MINDY4: variants seen among roughly 807,000 people sequenced by gnomAD.
The protein encoded by MINDY4 is probable ubiquitin carboxyl-terminal hydrolase MINDY-4.
A neutral mutation model predicts 87.0 loss-of-function variants in MINDY4; 68 were observed. The ratio of observed to expected loss-of-function variants is 0.78; its 90% CI spans 0.64 to 0.96. The LOEUF (loss-of-function observed/expected upper bound fraction) is 0.96. Ranked by LOEUF, MINDY4 falls within the 40% of genes least tolerant of loss-of-function variation. The pLI, the probability that MINDY4 is intolerant of heterozygous loss-of-function variation, is 0.00. For synonymous variants in MINDY4, 379 were observed against 363.2 expected (o/e 1.04, Z -0.50); for missense variants, 919 against 928.2 (o/e 0.99, Z 0.13).
At chr7:30,792,853 T>C (rs180843635) in intron 5 of MINDY4, among the ~76,000 whole-genome samples, 4 of 152,114 alleles carry the variant, frequency 2.6e-5, no homozygotes, top group Non-Finnish European at 4.4e-5. Context: ...CTTATTTTTA[T>C]TATTTTCTTC....
At chr7:30,851,062 C>T (rs911807287) in intron 10 of MINDY4, among the ~76,000 whole-genome samples, 1 of 152,210 alleles carries the variant, frequency 6.6e-6, no homozygotes, top group South Asian at 2.1e-4. Context: ...TATCCTGACC[C>T]GCATCGTCTC....
At chr7:30,878,511 T>A (rs1190169637) in intron 15 of MINDY4, among the ~76,000 whole-genome samples, 1 of 152,174 alleles carries the variant, frequency 6.6e-6, no homozygotes, top group African/African-American at 2.4e-5. Flanking sequence ...TCCAGCTGGC[T>A]CCCTCAGTCC....
At chr7:30,804,531 TA>T (rs1157677437) in intron 5 of MINDY4, among the ~76,000 whole-genome samples, 2 of 152,264 alleles carry the variant, frequency 1.3e-5, no homozygotes, top group Admixed American at 1.3e-4. Flanking sequence ...AAATATGTAC[TA>T]CAGGATTAAG....
At chr7:30,873,720 C>A (rs1177382836) in intron 14 of MINDY4, among the ~76,000 whole-genome samples, 1 of 152,186 alleles carries the variant, frequency 6.6e-6, no homozygotes, top group African/African-American at 2.4e-5. Context: ...AAGAAGGCTT[C>A]CTGCTATGAG....
At chr7:30,805,516 G>T (rs1017800274) in intron 5 of MINDY4, among the ~76,000 whole-genome samples, 3 of 152,160 alleles carry the variant, frequency 2.0e-5, no homozygotes, top group Non-Finnish European at 4.4e-5. Context: ...CCACGTGCTT[G>T]GTGTGGGGCA....
chr7:30,853,968 G>T (rs1789494506), intron 12 of MINDY4, among the ~76,000 whole-genome samples: 1 of 150,020 alleles, frequency 6.7e-6, no homozygotes, highest in African/African-American at 2.4e-5. Flanking sequence ...CTGGGTGGGG[G>T]CTCTGGAGCC....
intron 14 of MINDY4, 60 bp downstream of exon 14, chr7:30,872,366 A>AG: frequency 6.7e-7 from 1 of 1,488,688 alleles, no homozygotes; most frequent in Non-Finnish European, 9.4e-7. Flanking sequence ...TCAGAGAGGG[A>AG]GAGGTCCTCC....
chr7:30,839,620 A>C (rs929806829), intron 8 of MINDY4, among the ~76,000 whole-genome samples: 6 of 152,260 alleles, frequency 3.9e-5, no homozygotes, highest in South Asian at 2.1e-4. Flanking sequence ...GGAGGCCTTC[A>C]GTCTGCTTGG....
intron 15 of MINDY4, among the ~76,000 whole-genome samples, chr7:30,877,771 A>G (rs1278501286): frequency 1.4e-5 from 2 of 138,342 alleles, no homozygotes; most frequent in Non-Finnish European, 3.0e-5. Flanking sequence ...TCCTCTGTTC[A>G]AGCAATTCTT....
chr7:30,804,518 G>C (rs956079354), intron 5 of MINDY4, among the ~76,000 whole-genome samples: 1 of 152,078 alleles, frequency 6.6e-6, no homozygotes, highest in Non-Finnish European at 1.5e-5. Context: ...GAGACATCCC[G>C]ACAAATATGT....
intron 12 of MINDY4, among the ~76,000 whole-genome samples, chr7:30,855,090 C>T (rs543606398): frequency 1.6e-4 from 24 of 152,338 alleles, no homozygotes; most frequent in African/African-American, 5.3e-4. Flanking sequence ...GCGGTGCATC[C>T]ACCGCCTGGC....
intron 5 of MINDY4, among the ~76,000 whole-genome samples, chr7:30,807,476 G>A (rs1387529047): frequency 1.3e-5 from 2 of 151,942 alleles, no homozygotes; most frequent in African/African-American, 2.4e-5. Flanking sequence ...AAGAAGAAAA[G>A]AGAAGTTGAA....
intron 9 of MINDY4, among the ~76,000 whole-genome samples, chr7:30,849,101 G>A (rs1017364663): frequency 3.9e-5 from 6 of 151,910 alleles, no homozygotes; most frequent in Admixed American, 1.3e-4. Context: ...CTAGGTGTAG[G>A]TCACTGGCTA....
At chr7:30,801,367 C>T (rs544379205) in intron 5 of MINDY4, among the ~76,000 whole-genome samples, 2 of 152,268 alleles carry the variant, frequency 1.3e-5, no homozygotes, top group Non-Finnish European at 2.9e-5. Flanking sequence ...TCCAGCATGC[C>T]GGTCATCCTG....
At chr7:30,775,326 G>A (rs747659914) in intron 1 of MINDY4, among the ~76,000 whole-genome samples, 11 of 152,132 alleles carry the variant, frequency 7.2e-5, no homozygotes, top group Non-Finnish European at 1.5e-4. Context: ...GTGCTAGAAT[G>A]GCTCACAGAA....
At chr7:30,866,701 CA>C (rs1789946191) in intron 13 of MINDY4, among the ~76,000 whole-genome samples, 1 of 152,152 alleles carries the variant, frequency 6.6e-6, no homozygotes, top group Admixed American at 6.5e-5. Context: ...GCAGCAAGAA[CA>C]AAGCAGGCAA....
intron 9 of MINDY4, among the ~76,000 whole-genome samples, chr7:30,844,077 C>T (rs1789127225): frequency 6.6e-6 from 1 of 152,148 alleles, no homozygotes; most frequent in Admixed American, 6.5e-5. Flanking sequence ...ACTCTGGGTG[C>T]TGCTTGTAGC....
intron 5 of MINDY4, among the ~76,000 whole-genome samples, chr7:30,801,772 G>A (rs1373968692): frequency 6.6e-6 from 1 of 152,200 alleles, no homozygotes; most frequent in East Asian, 1.9e-4. Context: ...TGATGCGTCT[G>A]CAGAGGAAAG....
intron 17 of MINDY4, among the ~76,000 whole-genome samples, chr7:30,885,902 A>G (rs1437133036): frequency 6.6e-6 from 1 of 151,998 alleles, no homozygotes; most frequent in African/African-American, 2.4e-5. Context: ...TCCCCCATCA[A>G]TCCCCCATCA....
Sources: allele counts gnomAD v4.1 joint callset (sites outside exome capture counted in the v4.1 genomes callset), GRCh38; gene constraint gnomAD v4.1.1; transcripts MANE v1.5; gene names NCBI Gene and HGNC (gene_info 2026-07-23, HGNC 2026-07-21).